SS18: variants seen among roughly 807,000 people sequenced by gnomAD.
SS18 encodes SS18 subunit of BAF chromatin remodeling complex.
A neutral mutation model predicts 72.5 loss-of-function variants in SS18; 28 were observed. That is an observed-to-expected ratio of 0.39 (90% CI 0.29 to 0.53). The LOEUF is 0.53. Among genes scored for constraint, SS18 ranks in the 20% least tolerant of loss-of-function variants. The pLI is 0.76. For missense variants in SS18, 518 were observed against 535.3 expected, an observed-to-expected ratio of 0.97 and a Z score of 0.32; for synonymous variants, 172 against 164.2, an observed-to-expected ratio of 1.05 and a Z score of -0.37.
At position 26,090,478 on chromosome 18, in the gene SS18, TCCGCAACC is replaced by T; in HGVS notation, c.69+15_69+22del. ...TCCCAGAGGCGGTAAGGGCCTGGCA[TCCGCAACC>T]CCGCGCGGTTTCACCTTCTGAATCG... is the stretch of plus-strand genomic sequence containing the variant. On this transcript the variant is annotated intron_variant, in intron 1 of 10. Transcript: ENST00000415083. 1 of 1,556,240 alleles carries T rather than the reference TCCGCAACC, an allele frequency of 6.4e-7. No homozygotes were observed. The highest frequency in any genetic ancestry group is 8.7e-7 in the Non-Finnish European group (1 of 1,150,152).
chr18:26,056,587 T>G (rs1209719762), intron 4 of SS18, among the ~76,000 whole-genome samples: 1 of 152,192 alleles, frequency 6.6e-6, no homozygotes, highest in Non-Finnish European at 1.5e-5. Context: ...TTTTGCTCTG[T>G]GCTCTCTTGT....
intron 5 of SS18, among the ~76,000 whole-genome samples, chr18:26,047,612 C>T (rs554627984): frequency 2.6e-5 from 4 of 152,042 alleles, no homozygotes; most frequent in East Asian, 3.9e-4. Context: ...GAGGCCAAGG[C>T]GGGCAGATCA....
Position 26,035,278 on chromosome 18 carries a change from A to G in SS18, c.974-151T>C. 9.6e-7 allele frequency: 1 copy of G among 1,047,064 alleles called. No individual in the cohort carries two copies. Among genetic ancestry groups the G allele is most frequent in the Non-Finnish European group, 1.3e-6 (1 of 753,660 alleles). The allele number at this position is 1,047,064 out of a possible 1,614,324, so 64.9% of individuals were successfully genotyped here. A position where few individuals can be genotyped will look rare whatever the true frequency, so the allele number is the denominator to read the frequency against. On this transcript the variant is annotated intron_variant, in intron 8 of 10. Transcript: ENST00000415083. This position sits in a 1 kb window ranked among gnomAD's most constrained non-coding sequence, Gnocchi z 4.4. ...ACAAAACAAAGAAAAAACTCAAACC[A>G]AACAGAAGGATTTCGGCCAAACAAA...
intron 1 of SS18, among the ~76,000 whole-genome samples, chr18:26,089,383 C>T (rs2054673924): frequency 6.6e-6 from 1 of 152,148 alleles, no homozygotes; most frequent in Non-Finnish European, 1.5e-5. Context: ...ACTGCCAAGC[C>T]CGTTTGTTCA....
intron 3 of SS18, among the ~76,000 whole-genome samples, chr18:26,077,809 C>T (rs1019487342): frequency 6.6e-6 from 1 of 152,064 alleles, no homozygotes; most frequent in African/African-American, 2.4e-5. Flanking sequence ...TTCAGATTAA[C>T]AAATTACTTG....
chr18:26,038,659 C>G lies in SS18; in HGVS notation c.776G>C (p.Gly259Ala). 4.3e-6 allele frequency: 7 copies of G among 1,611,882 alleles called. No individual in the cohort carries two copies. Among genetic ancestry groups the G allele is most frequent in the Non-Finnish European group, 4.2e-6 (5 of 1,178,296 alleles). Reference sequence around the variant, plus strand: ...CTGGCCTGAGTACTGCTGTGGTGGGCCTGAAAAACCACAACCAGTCAAGAT... The same window carrying G: ...CTGGCCTGAGTACTGCTGTGGTGGGGCTGAAAAACCACAACCAGTCAAGAT... ...QIPPYRPPQQ[G>A]PPQQYSGQED... is the part of the protein sequence containing the mutation. Residue 259 changes from glycine (G) to alanine (A), a missense_variant and splice_region_variant, in exon 7 of 11, where the codon GGC becomes GCC. By Grantham distance (60) the Gly-to-Ala change is moderately conservative. Coordinates refer to ENST00000415083, the MANE Select transcript of SS18 (RefSeq NM_001007559.3).
rs531008380 is a variant in SS18, at chr18:26,016,511, T to C, written c.*1843A>G. ...GCCGAGGCGGGTGGATCACCTGAGG[T>C]CAGGAGTTCGAGACCAGCCTGGCCA... is the stretch of plus-strand genomic sequence containing the variant. On this transcript the variant is annotated 3_prime_UTR_variant, in exon 11 of 11. Coordinates refer to ENST00000415083, the MANE Select transcript of SS18 (RefSeq NM_001007559.3). 4.4e-3 allele frequency: 788 copies of C among 180,328 alleles called. 7 individuals carry two copies. The highest frequency in any genetic ancestry group is 0.014 in the African/African-American group (613 of 42,508). 11.2% of individuals were successfully genotyped at this position (180,328 alleles called of 1,614,324 possible). A position where few individuals can be genotyped will look rare whatever the true frequency, so the allele number is the denominator to read the frequency against.
At chr18:26,038,459 T>C in intron 7 of SS18, 96 bp downstream of exon 7, 1 of 1,102,022 alleles carries the variant, frequency 9.1e-7, no homozygotes, top group Admixed American at 1.8e-5. Context: ...AACAAATTGT[T>C]AGTTTCTTCG....
intron 3 of SS18, among the ~76,000 whole-genome samples, chr18:26,074,414 T>G (rs961118495): frequency 6.6e-6 from 1 of 151,948 alleles, no homozygotes; most frequent in African/African-American, 2.4e-5. Context: ...TCTAACTACA[T>G]GTCTGTGTGA....
At chr18:26,062,743 C>T (rs376861588) in intron 3 of SS18, among the ~76,000 whole-genome samples, 21 of 152,222 alleles carry the variant, frequency 1.4e-4, no homozygotes, top group South Asian at 1.2e-3. Context: ...GATGTTGCTA[C>T]GTTAATACTG....
At position 26,035,774 on chromosome 18, in the gene SS18, T is replaced by C. The variant is rs2053615918; in HGVS notation, c.973+57A>G. 2 of 1,259,522 alleles carry C rather than the reference T, an allele frequency of 1.6e-6. No homozygotes were observed. Among genetic ancestry groups the C allele is most frequent in the Non-Finnish European group, 2.2e-6 (2 of 908,152 alleles). 78.0% of individuals were successfully genotyped at this position (1,259,522 alleles called of 1,614,324 possible). ...GGGTAGAAGTTGTCTTATGCAAGAA[T>C]TTTCATTCCTGTAGAAGGGGATATA... On this transcript the variant is annotated intron_variant, in intron 8 of 10. Coordinates refer to ENST00000415083, the MANE Select transcript of SS18 (RefSeq NM_001007559.3). This position sits in a 1 kb window ranked among gnomAD's most constrained non-coding sequence, Gnocchi z 4.4.
intron 2 of SS18, among the ~76,000 whole-genome samples, chr18:26,078,634 C>T (rs1238986241): frequency 6.6e-6 from 1 of 152,132 alleles, no homozygotes; most frequent in Non-Finnish European, 1.5e-5. Flanking sequence ...ACCTGTAATC[C>T]CAGCCCTTTA....
intron 1 of SS18, among the ~76,000 whole-genome samples, chr18:26,088,399 T>C (rs1350316284): frequency 1.3e-5 from 2 of 152,212 alleles, no homozygotes; most frequent in African/African-American, 4.8e-5. Flanking sequence ...TATAACAGCA[T>C]GGTTTTGTGA....
In SS18 at chr18:26,018,121, T is replaced by C. The variant is rs575822320; in HGVS notation, c.*233A>G. On this transcript the variant is annotated 3_prime_UTR_variant, in exon 11 of 11. Transcript: ENST00000415083. Reference sequence around the variant, plus strand: ...AAATTGGTTATGTCATTGCATTTTCTGTCCAATGTTGCCATCTAGAGTAGA... The same window carrying C: ...AAATTGGTTATGTCATTGCATTTTCCGTCCAATGTTGCCATCTAGAGTAGA... The C allele has an allele frequency of 2.2e-4, 89 of 404,976 alleles. No homozygotes were observed. Among genetic ancestry groups the C allele is most frequent in the African/African-American group, 1.7e-3 (84 of 48,696 alleles). The allele number at this position is 404,976 out of a possible 1,614,324, so 25.1% of individuals were successfully genotyped here.
At chr18:26,044,378 G>A (rs1261630405) in intron 5 of SS18, among the ~76,000 whole-genome samples, 2 of 149,144 alleles carry the variant, frequency 1.3e-5, no homozygotes, top group Non-Finnish European at 3.0e-5. Flanking sequence ...AGGCTGGAGT[G>A]CATGGTACAA....
intron 3 of SS18, among the ~76,000 whole-genome samples, chr18:26,060,684 G>C (rs567657735): frequency 5.4e-5 from 8 of 147,524 alleles, no homozygotes; most frequent in Admixed American, 3.4e-4. Flanking sequence ...TAGCACTTTG[G>C]GAGGCCAAGG....
At chr18:26,044,191 T>C (rs546310602) in intron 5 of SS18, among the ~76,000 whole-genome samples, 1 of 152,316 alleles carries the variant, frequency 6.6e-6, no homozygotes, top group South Asian at 2.1e-4. Context: ...TTTAAAATTA[T>C]GTAATTATAA....
intron 3 of SS18, among the ~76,000 whole-genome samples, chr18:26,063,499 A>G (rs986437059): frequency 3.9e-5 from 6 of 152,256 alleles, no homozygotes; most frequent in African/African-American, 1.4e-4. Flanking sequence ...CCTGGGCGAC[A>G]GAGCGAGACT....
intron 5 of SS18, among the ~76,000 whole-genome samples, chr18:26,046,224 AAAAG>A (rs1478931001): frequency 6.7e-6 from 1 of 148,742 alleles, no homozygotes; most frequent in African/African-American, 2.6e-5. Flanking sequence ...AGTAGAAAAA[AAAAG>A]GAAAAAAAAA....
Sources: allele counts gnomAD v4.1 joint callset (sites outside exome capture counted in the v4.1 genomes callset), GRCh38; gene constraint gnomAD v4.1.1; non-coding constraint Gnocchi (gnomAD v3.1); transcripts MANE v1.5; gene names NCBI Gene and HGNC (gene_info 2026-07-23, HGNC 2026-07-21).